TCERG1L: variants seen among roughly 807,000 people sequenced by gnomAD.
TCERG1L encodes transcription elongation regulator 1-like protein.
A neutral mutation model predicts 56.3 loss-of-function variants in TCERG1L; 37 were observed. The ratio of observed to expected loss-of-function variants is 0.66; its 90% CI spans 0.51 to 0.87. TCERG1L has a LOEUF of 0.87. TCERG1L is among the 40% of genes least tolerant of loss of function. The pLI, the probability that TCERG1L is intolerant of heterozygous loss-of-function variation, is 0.00. For missense variants in TCERG1L, 799 were observed against 774.2 expected (o/e 1.03, Z -0.38); for synonymous variants, 324 against 326.3 (o/e 0.99, Z 0.08).
chr10:131,267,984 T>C lies in TCERG1L; in HGVS notation c.671-7540A>G, dbSNP rs1301275745. 6.6e-6 allele frequency among the ~76,000 whole-genome samples: 1 copy of C among 152,154 alleles called. No homozygotes were observed. The highest frequency in any genetic ancestry group is 1.5e-5 in the Non-Finnish European group (1 of 68,008). The stretch of plus-strand genomic sequence containing the variant: ...CAGGGTTGGCTCCTCTGGGAGCGAA[T>C]TGCAGGCCCTGGGCCCAGCTGCCAG... On this transcript the variant is annotated intron_variant, in intron 3 of 11. Transcript: ENST00000368642. This position sits in a 1 kb window ranked among gnomAD's most constrained non-coding sequence, Gnocchi z 4.9.
At chr10:131,187,997 T>G (rs1589741702) in intron 4 of TCERG1L, among the ~76,000 whole-genome samples, 1 of 152,188 alleles carries the variant, frequency 6.6e-6, no homozygotes, top group East Asian at 1.9e-4. Flanking sequence ...CATCCTGGGT[T>G]ACGCTTTCTC....
Position 131,156,779 on chromosome 10 carries a change from C to A in TCERG1L, c.1034+6343G>T, listed in dbSNP as rs767992896. On this transcript the variant is annotated intron_variant, in intron 6 of 11. Transcript: ENST00000368642. The stretch of plus-strand genomic sequence containing the variant: ...GTCACATACCCCCTGCTTGCTCAAT[C>A]GATCACGACCCTCTCACGTGCACCC... Among the ~76,000 whole-genome samples, 163 of 152,212 alleles carry A rather than the reference C, an allele frequency of 1.1e-3. 2 individuals are homozygous for A. The highest frequency in any genetic ancestry group is 1.6e-3 in the Non-Finnish European group (106 of 68,030).
rs1017456148 is a variant in TCERG1L at position 131,103,585 on chromosome 10, G to A, written c.1485+680C>T. The stretch of plus-strand genomic sequence containing the variant: ...TGGAGCCTGTAGTCTCAGCTGCTCA[G>A]GAGGCTGAGGTGGGAGGATGGCTTG... On this transcript the variant is annotated intron_variant, in intron 10 of 11. Coordinates refer to ENST00000368642, the MANE Select transcript of TCERG1L (RefSeq NM_174937.4). The surrounding 1 kb of genome is among the most constrained non-coding windows in gnomAD (Gnocchi z 4.3). Among the ~76,000 whole-genome samples the A allele has an allele frequency of 2.0e-5, 3 of 152,220 alleles. No individual in the cohort carries two copies. The highest frequency in any genetic ancestry group is 7.2e-5 in the African/African-American group (3 of 41,464).
At chr10:131,309,925 G>A (rs1226546147) in intron 1 of TCERG1L, among the ~76,000 whole-genome samples, 2 of 150,962 alleles carry the variant, frequency 1.3e-5, no homozygotes, top group African/African-American at 2.4e-5. Context: ...AAAGGGGCTG[G>A]TAATTCAGGG....
chr10:131,310,280 CA>C (rs1846871484), intron 1 of TCERG1L, among the ~76,000 whole-genome samples: 1 of 152,102 alleles, frequency 6.6e-6, no homozygotes, highest in Non-Finnish European at 1.5e-5. Context: ...CAAAATACGG[CA>C]AAAACTACCA....
At chr10:131,200,837 A>G (rs12572622) in intron 4 of TCERG1L, among the ~76,000 whole-genome samples, 26,284 of 150,336 alleles carry the variant, frequency 0.17, 2,682 homozygotes, top group Middle Eastern at 0.25. Context: ...TCATGTGAAC[A>G]CATTAAGAGG....
chr10:131,173,523 T>G (rs1846114243), intron 4 of TCERG1L, among the ~76,000 whole-genome samples: 1 of 152,216 alleles, frequency 6.6e-6, no homozygotes, highest in Non-Finnish European at 1.5e-5. Context: ...AGTCAGCCTC[T>G]TCAATGAGAA....
chr10:131,256,948 A>AGAAGGAAGGAAGGAAGGAAG lies in TCERG1L; in HGVS notation c.856+3291_856+3310dup, dbSNP rs71009955. Among the ~76,000 whole-genome samples the AGAAGGAAGGAAGGAAGGAAG allele has an allele frequency of 2.0e-3, 121 of 60,780 alleles. 2 individuals carry two copies. Among genetic ancestry groups the AGAAGGAAGGAAGGAAGGAAG allele is most frequent in the African/African-American group, 3.0e-3 (52 of 17,054 alleles). The allele number at this position is 60,780 out of a possible 152,430, so 39.9% of individuals were successfully genotyped here. ...GGAAGGAAGGGAGGGAGGAAGAGAA[A>AGAAGGAAGGAAGGAAGGAAG]GAAGGAAGGAAGGAAGGAAGGAAGG... On this transcript the variant is annotated intron_variant, in intron 4 of 11. Transcript: ENST00000368642.
At chr10:131,135,517 T>C (rs1259245806) in intron 7 of TCERG1L, among the ~76,000 whole-genome samples, 1 of 152,248 alleles carries the variant, frequency 6.6e-6, no homozygotes, top group Admixed American at 6.5e-5. Flanking sequence ...ATAATGGCTC[T>C]GTTACCAGCT....
At chr10:131,119,519 G>A (rs994969539) in intron 8 of TCERG1L, among the ~76,000 whole-genome samples, 9 of 152,260 alleles carry the variant, frequency 5.9e-5, no homozygotes, top group African/African-American at 2.2e-4. Context: ...TGTGAAACAA[G>A]GCCTGTATTG....
intron 4 of TCERG1L, among the ~76,000 whole-genome samples, chr10:131,176,949 GAC>G (rs1846164627): frequency 1.7e-5 from 2 of 120,798 alleles, no homozygotes; most frequent in African/African-American, 3.4e-5. Flanking sequence ...CACACACCAA[GAC>G]ACGTGTACAC....
Position 131,311,277 on chromosome 10 carries a change from G to A in TCERG1L, c.342+17C>T. 8.3e-7 allele frequency: 1 copy of A among 1,203,200 alleles called. No homozygotes were observed. The highest frequency in any genetic ancestry group is 1.0e-6 in the Non-Finnish European group (1 of 969,460). 74.5% of individuals were successfully genotyped at this position (1,203,200 alleles called of 1,614,324 possible). A position where few individuals can be genotyped will look rare whatever the true frequency, so the allele number is the denominator to read the frequency against. ...GGAGACGGCGACCCGGGCCGAGGCG[G>A]GACGGGGACACGTTACCTGCCCGTG... On this transcript the variant is annotated intron_variant, in intron 1 of 11. Coordinates refer to ENST00000368642, the MANE Select transcript of TCERG1L (RefSeq NM_174937.4). This position sits in a 1 kb window ranked among gnomAD's most constrained non-coding sequence, Gnocchi z 4.0.
chr10:131,285,918 T>C (rs7080868), intron 3 of TCERG1L, among the ~76,000 whole-genome samples: 11,258 of 152,178 alleles, frequency 0.074, 526 homozygotes, highest in African/African-American at 0.11. Context: ...TTAAAACCTA[T>C]AAGCATATTG....
Position 131,116,800 on chromosome 10 carries a change from C to G in TCERG1L, c.1394G>C (p.Gly465Ala). The change falls in exon 9 of 12, where the codon GGG becomes GCG. Residue 465 changes from glycine (G) to alanine (A), a missense_variant and splice_region_variant. By Grantham distance (60) the Gly-to-Ala change is moderately conservative. Transcript: ENST00000368642. ...AGCCCCTCAGCCGCTGTGCCTTACCCCTCTCTCCAGCAGCATGTCTCGGAA... is the reference window on the plus strand; with the variant it reads ...AGCCCCTCAGCCGCTGTGCCTTACCGCTCTCTCCAGCAGCATGTCTCGGAA... The part of the protein sequence containing the change: ...THFRDMLLER[G>A]VSAFSTWEKE... The G allele has an allele frequency of 6.4e-7, 1 of 1,559,968 alleles. No homozygotes were observed. Among genetic ancestry groups the G allele is most frequent in the Non-Finnish European group, 8.7e-7 (1 of 1,153,376 alleles).
intron 1 of TCERG1L, among the ~76,000 whole-genome samples, chr10:131,310,779 C>G (rs1365455335): frequency 3.9e-5 from 6 of 152,130 alleles, no homozygotes; most frequent in Non-Finnish European, 5.9e-5. Context: ...CCACTTCCGT[C>G]GGTTGGAATT....
intron 4 of TCERG1L, among the ~76,000 whole-genome samples, chr10:131,184,262 G>A (rs377111047): frequency 4.6e-5 from 7 of 152,254 alleles, no homozygotes; most frequent in Admixed American, 6.5e-5. Flanking sequence ...TTTCTTATCC[G>A]CAAGCTCTCT....
chr10:131,153,752 G>A (rs1349337400), intron 6 of TCERG1L, among the ~76,000 whole-genome samples: 1 of 152,188 alleles, frequency 6.6e-6, no homozygotes, highest in Non-Finnish European at 1.5e-5. Context: ...CAAAGTGTGG[G>A]GAAACAGCTT....
chr10:131,217,941 G>C (rs891294444), intron 4 of TCERG1L, among the ~76,000 whole-genome samples: 1 of 152,026 alleles, frequency 6.6e-6, no homozygotes, highest in African/African-American at 2.4e-5. Flanking sequence ...AGCCAGGATG[G>C]TCTCGATCTC....
chr10:131,242,968 A>T (rs956372647), intron 4 of TCERG1L, among the ~76,000 whole-genome samples: 63 of 152,208 alleles, frequency 4.1e-4, no homozygotes, highest in Admixed American at 4.1e-3. Context: ...AGGGACGTCA[A>T]TCTCCACGTG....
Sources: allele counts gnomAD v4.1 joint callset (sites outside exome capture counted in the v4.1 genomes callset), GRCh38; gene constraint gnomAD v4.1.1; non-coding constraint Gnocchi (gnomAD v3.1); transcripts MANE v1.5; gene names NCBI Gene and HGNC (gene_info 2026-07-23, HGNC 2026-07-21).